The following ZNG1B variants were observed in gnomAD, a reference collection of about 807,000 sequenced individuals.
ZNG1B encodes Zn regulated GTPase metalloprotein activator 1B, also known as zinc-regulated GTPase metalloprotein activator 1B.
At chr2:113,478,363 C>T in the ZNG1B span, among the ~76,000 whole-genome samples, 2 of 152,058 alleles carry the variant, frequency 1.3e-5, no homozygotes, top group Non-Finnish European at 2.9e-5. Flanking sequence ...GCAGCCTCAA[C>T]CTCCTGGGCT....
At chr2:113,468,036 C>T in the ZNG1B span, among the ~76,000 whole-genome samples, 18 of 151,824 alleles carry the variant, frequency 1.2e-4, no homozygotes, top group Non-Finnish European at 2.2e-4. Context: ...GGCTAATCTC[C>T]GAGGTATAGG....
the ZNG1B span, among the ~76,000 whole-genome samples, chr2:113,487,618 G>A: frequency 2.0e-5 from 3 of 151,196 alleles, no homozygotes; most frequent in African/African-American, 7.3e-5. Context: ...GATATTAGTG[G>A]ATTCATGCAA....
chr2:113,489,774 A>C, the ZNG1B span, among the ~76,000 whole-genome samples: 1 of 150,078 alleles, frequency 6.7e-6, no homozygotes, highest in Non-Finnish European at 1.5e-5. Context: ...AAAGAGGGAC[A>C]TTATATAATG....
At chr2:113,472,134 C>T in the ZNG1B span, among the ~76,000 whole-genome samples, 4 of 150,110 alleles carry the variant, frequency 2.7e-5, no homozygotes, top group African/African-American at 9.9e-5. Flanking sequence ...TCCACATCCT[C>T]TCCAGCACCT....
the ZNG1B span, chr2:113,481,436 C>A: frequency 6.6e-6 from 1 of 152,134 alleles, no homozygotes; most frequent in Non-Finnish European, 1.5e-5. Flanking sequence ...CCTACAAGTT[C>A]TTTCTCTTTC....
chr2:113,471,751 C>A, the ZNG1B span, among the ~76,000 whole-genome samples: 1 of 150,758 alleles, frequency 6.6e-6, no homozygotes, highest in East Asian at 2.0e-4. Context: ...TTTGTTCTTG[C>A]GATAGTTTAT....
chr2:113,439,725 G>T, the ZNG1B span, among the ~76,000 whole-genome samples: 1 of 151,976 alleles, frequency 6.6e-6, no homozygotes, highest in African/African-American at 2.4e-5. Context: ...TAGCCCCTTG[G>T]AATAGGTACT....
chr2:113,462,908 T>G, the ZNG1B span: 44 of 228,048 alleles, frequency 1.9e-4, 1 homozygote, highest in Admixed American at 1.5e-3. Flanking sequence ...TCTGTTTTTT[T>G]TTTTTTTTTT....
At chr2:113,470,573 A>G in the ZNG1B span, 1 of 207,540 alleles carries the variant, frequency 4.8e-6, no homozygotes, top group African/African-American at 2.4e-5. Context: ...TCCTAGAGTA[A>G]CTTAATATTT....
the ZNG1B span, chr2:113,457,302 A>G: frequency 8.4e-6 from 3 of 358,846 alleles, no homozygotes; most frequent in East Asian, 1.5e-4. Context: ...GGCCAGAACA[A>G]TAAATAGACT....
chr2:113,472,615 T>C, the ZNG1B span, among the ~76,000 whole-genome samples: 2 of 152,130 alleles, frequency 1.3e-5, no homozygotes, highest in Non-Finnish European at 2.9e-5. Flanking sequence ...TTTTATGGTT[T>C]TAGGTTGAAC....
At chr2:113,437,833 C>T in the ZNG1B span, 21 of 1,610,840 alleles carry the variant, frequency 1.3e-5, no homozygotes, top group Admixed American at 1.7e-5. Flanking sequence ...TTGGTCCCAG[C>T]GGTTCAGCTG....
chr2:113,488,808 A>G, the ZNG1B span, among the ~76,000 whole-genome samples: 1 of 152,090 alleles, frequency 6.6e-6, no homozygotes, highest in African/African-American at 2.4e-5. Flanking sequence ...ACCGAATCCA[A>G]TAAAGACAAA....
At chr2:113,441,780 G>T in the ZNG1B span, 1 of 200,732 alleles carries the variant, frequency 5.0e-6, no homozygotes, top group African/African-American at 2.4e-5. Flanking sequence ...TCTCTCTGTC[G>T]CCAGGCTGGA....
At chr2:113,470,817 A>G in the ZNG1B span, 1 of 632,528 alleles carries the variant, frequency 1.6e-6, no homozygotes, top group Non-Finnish European at 2.6e-6. Context: ...TTCAGGATTG[A>G]AAAGATAATT....
At chr2:113,489,438 T>C in the ZNG1B span, among the ~76,000 whole-genome samples, 1 of 151,872 alleles carries the variant, frequency 6.6e-6, no homozygotes, top group Non-Finnish European at 1.5e-5. Flanking sequence ...AAAAATACAA[T>C]TAGAAAAACA....
chr2:113,459,383 C>G, the ZNG1B span, among the ~76,000 whole-genome samples: 2 of 151,518 alleles, frequency 1.3e-5, no homozygotes, highest in Admixed American at 1.3e-4. Flanking sequence ...TCAGATACCC[C>G]TAATGATCAT....
At chr2:113,471,919 T>A in the ZNG1B span, among the ~76,000 whole-genome samples, 9 of 147,114 alleles carry the variant, frequency 6.1e-5, no homozygotes, top group African/African-American at 2.2e-4. Flanking sequence ...TCTTTGCTAT[T>A]GTGAATAATG....
At chr2:113,471,336 T>C in the ZNG1B span, among the ~76,000 whole-genome samples, 8 of 152,222 alleles carry the variant, frequency 5.3e-5, no homozygotes, top group Admixed American at 2.6e-4. Flanking sequence ...CGTTAACACT[T>C]CTACACCAAA....
Sources: allele counts gnomAD v4.1 joint callset (sites outside exome capture counted in the v4.1 genomes callset), GRCh38; gene constraint gnomAD v4.1.1; transcripts MANE v1.5; gene names NCBI Gene and HGNC (gene_info 2026-07-23, HGNC 2026-07-21).